PDE11A: variants seen among roughly 807,000 people sequenced by gnomAD.
The protein encoded by PDE11A is phosphodiesterase 11A, also known as dual 3',5'-cyclic-AMP and -GMP phosphodiesterase 11A.
Under a neutral mutation model 100.5 loss-of-function variants are expected in PDE11A, and 100 were observed. The observed-to-expected ratio is 1.00, with a 90% CI of 0.85 to 1.18. The LOEUF is 1.18. PDE11A is among the 50% of genes most tolerant of loss of function. The pLI, the probability that PDE11A is intolerant of heterozygous loss-of-function variation, is 0.00. For synonymous variants in PDE11A, 381 were observed against 420.8 expected (o/e 0.91, Z 1.16); for missense variants, 1,141 against 1,152.6 (o/e 0.99, Z 0.15).
intron 5 of PDE11A, among the ~76,000 whole-genome samples, chr2:177,858,040 G>A (rs970728992): frequency 3.3e-5 from 5 of 152,058 alleles, no homozygotes; most frequent in African/African-American, 1.2e-4. Context: ...AAACTGGCTA[G>A]ACATATGTAG....
Position 178,082,667 on chromosome 2 carries a change from C to T in PDE11A, c.162+21635G>A, listed in dbSNP as rs79476035. On this transcript the variant is annotated intron_variant, in intron 2 of 20. Transcript: ENST00000358450. ...GTGCATGCACAGTTCAGCTTTATGT[C>T]CCTTCGTGGGGCCCACGTACAAAAA... Among the ~76,000 whole-genome samples, 108 of 152,294 alleles carry T rather than the reference C, an allele frequency of 7.1e-4. 1 individual carries two copies. In the East Asian group the frequency reaches 0.019, roughly 27 times the overall value.
intron 9 of PDE11A, among the ~76,000 whole-genome samples, chr2:177,788,248 T>A (rs7421650): frequency 0.32 from 45,727 of 144,752 alleles, 7,511 homozygotes; most frequent in African/African-American, 0.37. Context: ...TCAAAACCGC[T>A]CAACTACATG....
At chr2:177,808,279 G>T (rs1408324441) in intron 9 of PDE11A, among the ~76,000 whole-genome samples, 2 of 152,082 alleles carry the variant, frequency 1.3e-5, no homozygotes, top group African/African-American at 4.8e-5. Flanking sequence ...TTGACAGCTT[G>T]GTATTCCTTG....
At chr2:178,104,428 A>C (rs758359945) in exon 2 of PDE11A, 2 of 1,614,096 alleles carry the variant, frequency 1.2e-6, no homozygotes, top group South Asian at 2.2e-5. Context: ...CACTGAGCAC[A>C]TTTCTGAATA....
chr2:177,633,612 T>A (rs1469605915), intron 19 of PDE11A, among the ~76,000 whole-genome samples: 1 of 152,182 alleles, frequency 6.6e-6, no homozygotes, highest in Non-Finnish European at 1.5e-5. Flanking sequence ...CAAAGCAACA[T>A]TGTAACTCCA....
intron 2 of PDE11A, among the ~76,000 whole-genome samples, chr2:177,913,459 A>G (rs1489247325): frequency 6.6e-6 from 1 of 152,076 alleles, no homozygotes; most frequent in Non-Finnish European, 1.5e-5. Context: ...TTTTGCTAAA[A>G]GAAAACAGTA....
At chr2:177,858,924 G>T (rs1439506741) in intron 5 of PDE11A, among the ~76,000 whole-genome samples, 11 of 151,930 alleles carry the variant, frequency 7.2e-5, no homozygotes, top group South Asian at 2.1e-4. Context: ...CCATAAAAAA[G>T]GATGAGTTCA....
chr2:177,633,368 A>G (rs2079985168), intron 19 of PDE11A, among the ~76,000 whole-genome samples: 1 of 152,144 alleles, frequency 6.6e-6, no homozygotes, highest in African/African-American at 2.4e-5. Flanking sequence ...ACTGCAAACC[A>G]CCTGTTAGTA....
In PDE11A at chr2:177,850,195, C is replaced by A. The variant is rs550398016; in HGVS notation, c.1368-9812G>T. ...CTGGTACCAAAACAGAGATATAGAC[C>A]AGTGGAACAGAACAGAGCCCTCAGA... On this transcript the variant is annotated intron_variant, in intron 5 of 19. Transcript: ENST00000286063. Among the ~76,000 whole-genome samples the A allele has an allele frequency of 7.2e-4, 110 of 152,290 alleles. 3 individuals carry two copies. In the South Asian group the frequency reaches 0.021, roughly 29 times the overall value.
At chr2:177,629,944 AC>A (rs764118990) in intron 19 of PDE11A, among the ~76,000 whole-genome samples, 3 of 152,180 alleles carry the variant, frequency 2.0e-5, no homozygotes, top group Non-Finnish European at 4.4e-5. Context: ...ATCTCAATTG[AC>A]TATGCACTTA....
chr2:177,981,885 A>G (rs1466817733), intron 2 of PDE11A, among the ~76,000 whole-genome samples: 1 of 150,960 alleles, frequency 6.6e-6, no homozygotes, highest in Non-Finnish European at 1.5e-5. Flanking sequence ...TGACATAGGT[A>G]TGAACTTAAT....
chr2:177,812,618 C>G (rs1472527384), intron 9 of PDE11A, among the ~76,000 whole-genome samples: 1 of 151,974 alleles, frequency 6.6e-6, no homozygotes, highest in Non-Finnish European at 1.5e-5. Flanking sequence ...GGGTGAGTCC[C>G]CTGAGAAAAG....
Position 177,964,738 on chromosome 2 carries a change from A to G in PDE11A, c.1071+49564T>C, listed in dbSNP as rs79731541. Among the ~76,000 whole-genome samples the G allele has an allele frequency of 5.5e-3, 837 of 152,252 alleles. 25 individuals are homozygous for G. The East Asian group carries it at 0.084, about 15-fold the overall frequency. On this transcript the variant is annotated intron_variant, in intron 2 of 19. Transcript: ENST00000286063. The stretch of plus-strand genomic sequence containing the variant: ...ACAATCTCATGTTTTTTAAGGCTGC[A>G]TCGTATTCCATGGTGTATATCCATG...
At position 177,694,538 on chromosome 2, in the gene PDE11A, C is replaced by T. The variant is rs76411308; in HGVS notation, c.2345+2794G>A. On this transcript the variant is annotated intron_variant, in intron 15 of 19. Transcript: ENST00000286063. ...GTTGTAGATGTCACCATTTCTAAGA[C>T]ATGACATAGGTACTGTTATCTCCAT... Among the ~76,000 whole-genome samples the T allele has an allele frequency of 3.3e-3, 496 of 152,264 alleles. 4 individuals are homozygous for T. The East Asian group carries it at 0.044, about 13-fold the overall frequency.
At chr2:177,741,513 G>A (rs1414705357) in intron 10 of PDE11A, among the ~76,000 whole-genome samples, 11 of 152,182 alleles carry the variant, frequency 7.2e-5, no homozygotes, top group Non-Finnish European at 1.6e-4. Flanking sequence ...AATGAATTGA[G>A]CACTAAATAT....
At chr2:178,045,361 CA>C (rs2086736500) in intron 1 of PDE11A, among the ~76,000 whole-genome samples, 1 of 152,148 alleles carries the variant, frequency 6.6e-6, no homozygotes, top group African/African-American at 2.4e-5. Flanking sequence ...GAAAGTTTTT[CA>C]TATTTAATGA....
chr2:177,709,176 C>A (rs1221253480), intron 13 of PDE11A, among the ~76,000 whole-genome samples: 1 of 152,112 alleles, frequency 6.6e-6, no homozygotes, highest in Non-Finnish European at 1.5e-5. Flanking sequence ...CCCGAAGGGG[C>A]TAAGCTAAGG....
chr2:177,637,493 A>G (rs2080058090), intron 19 of PDE11A, among the ~76,000 whole-genome samples: 1 of 151,990 alleles, frequency 6.6e-6, no homozygotes, highest in South Asian at 2.1e-4. Context: ...AGTTCTTCAA[A>G]GATCCTGTTC....
chr2:178,040,075 T>TC (rs2086665207), intron 1 of PDE11A, among the ~76,000 whole-genome samples: 1 of 150,526 alleles, frequency 6.6e-6, no homozygotes, highest in African/African-American at 2.4e-5. Context: ...TTTTTTTTTT[T>TC]TTTTTTGAGA....
Sources: gnomAD v4.1 joint callset for allele counts (sites outside exome capture counted in the v4.1 genomes callset) on GRCh38, gnomAD v4.1.1 for gene constraint, MANE v1.5 for transcripts, NCBI Gene and HGNC (gene_info 2026-07-23, HGNC 2026-07-21) for gene names.